Variants in THOC1 observed in about 807,000 individuals in gnomAD.
THOC1 encodes the protein THO complex subunit 1.
Under a neutral mutation model 97.3 loss-of-function variants are expected in THOC1, and 29 were observed. That is an observed-to-expected ratio of 0.30 (90% CI 0.22 to 0.41). THOC1 has a LOEUF of 0.41. THOC1 is among the 10% of genes least tolerant of loss of function. The pLI, the probability that THOC1 is intolerant of heterozygous loss-of-function variation, is 1.00. For missense variants in THOC1, 529 were observed against 761.9 expected, an observed-to-expected ratio of 0.69 and a Z score of 3.60; for synonymous variants, 255 against 257.0, an observed-to-expected ratio of 0.99 and a Z score of 0.07.
chr18:263,397 T>C (rs1912666084), intron 4 of THOC1: 1 of 152,594 alleles, frequency 6.6e-6, no homozygotes, highest in Admixed American at 6.5e-5. Context: ...CTCTTTAGTA[T>C]GGCACCCAGT....
Position 257,758 on chromosome 18 carries a change from T to C in THOC1, c.520+1422A>G, listed in dbSNP as rs548078244. The stretch of plus-strand genomic sequence containing the variant: ...GCATTACCAGATACAGACAATAAAG[T>C]AACAATGTTTACCAAGTTTAGAAAA... On this transcript the variant is annotated intron_variant, in intron 7 of 20. Transcript: ENST00000261600. 7.3e-5 allele frequency among the ~76,000 whole-genome samples: 11 copies of C among 150,936 alleles called. No individual in the cohort carries two copies. The South Asian group carries it at 2.3e-3, about 32-fold the overall frequency.
At chr18:223,836 CT>C (rs1911176029) in intron 16 of THOC1, among the ~76,000 whole-genome samples, 1 of 152,092 alleles carries the variant, frequency 6.6e-6, no homozygotes, top group African/African-American at 2.4e-5. Flanking sequence ...CTAAACAATT[CT>C]ACTGTCTGAA....
At chr18:227,080 T>A (rs551816201) in intron 11 of THOC1, among the ~76,000 whole-genome samples, 179 bp from the exon 12 acceptor site, 48 of 152,282 alleles carry the variant, frequency 3.2e-4, no homozygotes, top group Non-Finnish European at 5.7e-4. Flanking sequence ...CCAGTCAAGG[T>A]TTCACTTAGA....
intron 11 of THOC1, among the ~76,000 whole-genome samples, chr18:229,013 A>C (rs781723580): frequency 1.3e-5 from 2 of 152,218 alleles, no homozygotes; most frequent in Admixed American, 6.5e-5. Context: ...GAGAAGAAAA[A>C]TTAAATTGGA....
chr18:214,711 G>A lies in THOC1; in HGVS notation c.1889C>T (p.Pro630Leu). 1 of 1,613,896 alleles carries A rather than the reference G, an allele frequency of 6.2e-7. No homozygotes were observed. The highest frequency in any genetic ancestry group is 1.1e-5 in the South Asian group (1 of 91,080). Residue 630 changes from proline (P) to leucine (L), a missense_variant, in exon 21 of 21, where the codon CCT (proline) becomes CTT (leucine). Physicochemically the swap from Pro to Leu is moderately conservative, Grantham distance 98. This residue lies in a region of THOC1 where 98 missense variants were observed against 111.9 expected (regional missense o/e 0.88). Coordinates refer to ENST00000261600, the MANE Select transcript of THOC1 (RefSeq NM_005131.3). ...ATTCAGTGCATTAATCAGATTCTCA[G>A]GTGTTGCATGAACTCCCTCTTGATC... The part of the protein sequence containing the change: ...WQDQEGVHAT[P>L]ENLINALNKS...
chr18:254,377 G>A lies in THOC1; in HGVS notation c.521-22C>T. On this transcript the variant is annotated intron_variant, in intron 7 of 20. Coordinates refer to ENST00000261600, the MANE Select transcript of THOC1 (RefSeq NM_005131.3). This position sits in a 1 kb window ranked among gnomAD's most constrained non-coding sequence, Gnocchi z 4.1. ...AGACCTAGTAAAAAAACAAAAAAAAGATGCAAAGCAAGTCCAGTGACACCT... is the reference window on the plus strand; with the variant it reads ...AGACCTAGTAAAAAAACAAAAAAAAAATGCAAAGCAAGTCCAGTGACACCT... The A allele has an allele frequency of 6.8e-7, 1 of 1,478,556 alleles. No individual in the cohort carries two copies. Among genetic ancestry groups the A allele is most frequent in the South Asian group, 1.2e-5 (1 of 82,614 alleles). 91.6% of individuals were successfully genotyped at this position (1,478,556 alleles called of 1,614,324 possible). A position where few individuals can be genotyped will look rare whatever the true frequency, so the allele number is the denominator to read the frequency against.
At chr18:243,065 A>G (rs1911961564) in intron 11 of THOC1, among the ~76,000 whole-genome samples, 1 of 152,248 alleles carries the variant, frequency 6.6e-6, no homozygotes, top group African/African-American at 2.4e-5. Context: ...CTTAAGGGGC[A>G]ACAAAGGGAA....
intron 7 of THOC1, among the ~76,000 whole-genome samples, chr18:256,174 G>A (rs1912429774): frequency 6.9e-6 from 1 of 145,592 alleles, no homozygotes; most frequent in Non-Finnish European, 1.5e-5. Context: ...TATTATCTAA[G>A]AAATACATTT....
In THOC1 at chr18:237,869, C is replaced by CT. The variant is rs549422579; in HGVS notation, c.918+8454dup. The stretch of plus-strand genomic sequence containing the variant: ...TAAATTATAAATTTAAATAGTATTC[C>CT]TTTTTTTTTCTTTTTGAGATGGAGT... On this transcript the variant is annotated intron_variant, in intron 11 of 20. Transcript: ENST00000261600. Among the ~76,000 whole-genome samples the CT allele has an allele frequency of 4.7e-4, 71 of 150,996 alleles. No homozygotes were observed. The East Asian group carries it at 6.4e-3, about 14-fold the overall frequency.
In THOC1 at chr18:246,430, A is replaced by G; in HGVS notation, c.812T>C (p.Phe271Ser). 3.2e-6 allele frequency: 5 copies of G among 1,570,386 alleles called. No individual in the cohort carries two copies. The highest frequency in any genetic ancestry group is 4.3e-6 in the Non-Finnish European group (5 of 1,151,962). ...AGTATCATCTAATTTATAACTCTTA[A>G]AAACAGCTAAAACTTCTTCAGAATA... ...LKYSEEVLAV[F>S]KSYKLDDTQA... The change falls in exon 11 of 21, where the codon TTT becomes TCT. Residue 271 changes from phenylalanine (F) to serine (S), a missense_variant. This residue lies in a region of THOC1 where 92 missense variants were observed against 127.0 expected (regional missense o/e 0.72). Transcript: ENST00000261600.
intron 11 of THOC1, among the ~76,000 whole-genome samples, chr18:228,873 T>C (rs1238105574): frequency 1.3e-5 from 2 of 152,216 alleles, no homozygotes; most frequent in African/African-American, 4.8e-5. Context: ...ATCAGCAATC[T>C]TTCTTTATTC....
chr18:240,475 A>C (rs984185890), intron 11 of THOC1, among the ~76,000 whole-genome samples: 3 of 152,258 alleles, frequency 2.0e-5, no homozygotes, highest in Non-Finnish European at 4.4e-5. Flanking sequence ...GAGTTCAAAA[A>C]TGTCAAAACA....
intron 8 of THOC1, among the ~76,000 whole-genome samples, chr18:253,549 C>T (rs955800807): frequency 9.9e-5 from 15 of 152,092 alleles, no homozygotes; most frequent in African/African-American, 3.4e-4. Flanking sequence ...ACAAAAAGTC[C>T]TGGTATGGTG....
At chr18:219,611 C>T (rs1038051359) in intron 17 of THOC1, among the ~76,000 whole-genome samples, 1 of 151,970 alleles carries the variant, frequency 6.6e-6, no homozygotes, top group African/African-American at 2.4e-5. Context: ...AAACTAAATT[C>T]AAAAAGGACA....
chr18:231,768 A>G (rs140389390), intron 11 of THOC1, among the ~76,000 whole-genome samples: 221 of 152,202 alleles, frequency 1.5e-3, no homozygotes, highest in African/African-American at 5.1e-3. Flanking sequence ...CACGGTTAGG[A>G]TTTTTATACA....
chr18:266,822 C>A (rs1912784466), intron 1 of THOC1, among the ~76,000 whole-genome samples: 2 of 152,186 alleles, frequency 1.3e-5, no homozygotes, highest in African/African-American at 4.8e-5. Context: ...CAGGCGTGAG[C>A]CACTGCGCCC....
At chr18:236,350 CTTTTTT>C (rs71174215) in intron 11 of THOC1, among the ~76,000 whole-genome samples, 1 of 88,372 alleles carries the variant, frequency 1.1e-5, no homozygotes, top group Admixed American at 1.4e-4. Context: ...GAATAAGATT[CTTTTTT>C]TTTTTTTTTT....
chr18:217,735 G>C (rs1910942842), intron 18 of THOC1, among the ~76,000 whole-genome samples: 1 of 152,164 alleles, frequency 6.6e-6, no homozygotes, highest in Non-Finnish European at 1.5e-5. Flanking sequence ...CAAAAGAGGA[G>C]ACCAGGGAGG....
At chr18:244,429 T>G (rs572711965) in intron 11 of THOC1, 1 of 152,306 alleles carries the variant, frequency 6.6e-6, no homozygotes, top group South Asian at 2.1e-4. Context: ...TAAATAAAAA[T>G]GTCTTTCTTT....
Sources: allele counts gnomAD v4.1 joint callset (sites outside exome capture counted in the v4.1 genomes callset), GRCh38; gene constraint gnomAD v4.1.1; regional missense constraint gnomAD v4.1.1; non-coding constraint Gnocchi (gnomAD v3.1); transcripts MANE v1.5; gene names NCBI Gene and HGNC (gene_info 2026-07-23, HGNC 2026-07-21).